Variants in PGM2 observed in about 807,000 individuals in gnomAD.
PGM2 encodes phosphoglucomutase 2.
PGM2 carries 57 observed loss-of-function variants against 74.6 expected under a neutral mutation model. The observed-to-expected ratio is 0.76, with a 90% CI of 0.62 to 0.95. The LOEUF (loss-of-function observed/expected upper bound fraction) is 0.95. Among genes scored for constraint, PGM2 ranks in the 40% least tolerant of loss-of-function variants. The probability of loss-of-function intolerance (pLI) is 0.00; values close to 1 mark genes in which losing one functional copy is unlikely to be tolerated. For synonymous variants in PGM2, 273 were observed against 260.7 expected (o/e 1.05, Z -0.46); for missense variants, 706 against 741.9 (o/e 0.95, Z 0.56).
At chr4:37,833,052 G>A (rs1725476250) in intron 2 of PGM2, among the ~76,000 whole-genome samples, 1 of 152,040 alleles carries the variant, frequency 6.6e-6, no homozygotes, top group Non-Finnish European at 1.5e-5. Context: ...CAGGAAGAGG[G>A]GTACTGTCAC....
chr4:37,838,474 T>C (rs1560414025), intron 4 of PGM2, among the ~76,000 whole-genome samples: 1 of 152,198 alleles, frequency 6.6e-6, no homozygotes, highest in Non-Finnish European at 1.5e-5. Context: ...TAGACAAAAC[T>C]TTTAAGAGCT....
chr4:37,827,754 A>G (rs1725334829), intron 1 of PGM2, among the ~76,000 whole-genome samples: 2 of 152,150 alleles, frequency 1.3e-5, no homozygotes, highest in African/African-American at 4.8e-5. Flanking sequence ...GTCTGTCTCC[A>G]GGGCCGACTT....
chr4:37,861,447 A>T, intron 13 of PGM2, 63 bp from the exon 14 acceptor site: 1 of 1,005,178 alleles, frequency 9.9e-7, no homozygotes, highest in Admixed American at 1.7e-5. Flanking sequence ...CAATGGGGGG[A>T]GCATTTAAAC....
intron 13 of PGM2, among the ~76,000 whole-genome samples, chr4:37,859,708 A>G (rs1450151478): frequency 6.8e-6 from 1 of 147,964 alleles, no homozygotes; most frequent in African/African-American, 2.6e-5. Context: ...AGTCCCCAAA[A>G]TAGCTGTTTT....
At chr4:37,838,141 G>T (rs1472241306) in intron 4 of PGM2, among the ~76,000 whole-genome samples, 2 of 152,146 alleles carry the variant, frequency 1.3e-5, no homozygotes, top group Admixed American at 6.5e-5. Context: ...TTGGCCTCCG[G>T]AAGTGCTGGG....
chr4:37,855,417 C>G (rs6531588), intron 12 of PGM2, among the ~76,000 whole-genome samples, 191 bp from the exon 13 acceptor site: 117,008 of 152,014 alleles, frequency 0.77, 45,498 homozygotes, highest in African/African-American at 0.88. Context: ...ATATAGTAGA[C>G]CACATATTCA....
chr4:37,830,041 C>T lies in PGM2; in HGVS notation c.159C>T (p.Ala53=), dbSNP rs896721550. The T allele has an allele frequency of 1.9e-6, 3 of 1,606,304 alleles. No homozygotes were observed. Among genetic ancestry groups the T allele is most frequent in the African/African-American group, 2.7e-5 (2 of 74,630 alleles). Residue 53 remains alanine, a synonymous_variant, in exon 2 of 14, where the codon GCC becomes GCT. Coordinates refer to ENST00000381967, the MANE Select transcript of PGM2 (RefSeq NM_018290.4). ...AAGAACTACGAAAATGTTTTGGGGC[C>T]CGAATGGAGTTTGGGACAGCTGGCC... The part of the protein sequence containing the change: ...NKEELRKCFG[A]RMEFGTAGLR...
intron 1 of PGM2, among the ~76,000 whole-genome samples, chr4:37,829,549 T>C (rs1725383010): frequency 6.6e-6 from 1 of 152,196 alleles, no homozygotes; most frequent in Non-Finnish European, 1.5e-5. Context: ...ATATTTTACA[T>C]TAATTTGAAG....
intron 10 of PGM2, 65 bp from the exon 11 acceptor site, chr4:37,848,457 A>T: frequency 7.1e-7 from 1 of 1,402,298 alleles, no homozygotes; most frequent in East Asian, 2.3e-5. Flanking sequence ...AATAGCCAGG[A>T]TTCATACTCA....
chr4:37,827,025 C>A (rs907460256), intron 1 of PGM2, among the ~76,000 whole-genome samples: 1 of 152,266 alleles, frequency 6.6e-6, no homozygotes, highest in Admixed American at 6.5e-5. Context: ...GAAGGCTTGT[C>A]CCCGGACGAA....
intron 3 of PGM2, among the ~76,000 whole-genome samples, chr4:37,835,399 C>T (rs1725542695): frequency 1.3e-5 from 2 of 152,172 alleles, no homozygotes. Flanking sequence ...CCACTACTCA[C>T]CTCTCCCATG....
At chr4:37,840,735 T>C (rs184680828) in intron 6 of PGM2, among the ~76,000 whole-genome samples, 8 of 152,100 alleles carry the variant, frequency 5.3e-5, no homozygotes, top group South Asian at 2.1e-4. Context: ...AAACTTTTCT[T>C]AAAGGGACAG....
chr4:37,861,869 T>C lies in PGM2; in HGVS notation c.*257T>C, dbSNP rs2152183412. The C allele has an allele frequency of 2.9e-6, 1 of 342,352 alleles. No homozygotes were observed. The highest frequency in any genetic ancestry group is 4.9e-5 in the East Asian group (1 of 20,564). 21.2% of individuals were successfully genotyped at this position (342,352 alleles called of 1,614,324 possible). A position where few individuals can be genotyped will look rare whatever the true frequency, so the allele number is the denominator to read the frequency against. On this transcript the variant is annotated 3_prime_UTR_variant, in exon 14 of 14. Coordinates refer to ENST00000381967, the MANE Select transcript of PGM2 (RefSeq NM_018290.4). The stretch of plus-strand genomic sequence containing the variant: ...TTTTTGTAAGTGAAGATTTTTAAAC[T>C]GACTAACTTAAAAAAATAGATTGTA...
chr4:37,839,447 G>A (rs1725647063), intron 4 of PGM2: 11 of 406,244 alleles, frequency 2.7e-5, no homozygotes, highest in South Asian at 1.8e-4. Context: ...TTCCTTAAAA[G>A]CAAATGAGAA....
intron 2 of PGM2, among the ~76,000 whole-genome samples, chr4:37,831,117 C>T (rs911391804): frequency 1.3e-4 from 19 of 147,264 alleles, no homozygotes; most frequent in Admixed American, 1.2e-3. Context: ...TTGTTTGAAC[C>T]CGGAAGGCAA....
chr4:37,855,496 T>A, intron 12 of PGM2, 112 bp from the exon 13 acceptor site: 1 of 934,360 alleles, frequency 1.1e-6, no homozygotes, highest in Non-Finnish European at 1.6e-6. Flanking sequence ...AATGTTTTTC[T>A]TTTCTAACCA....
chr4:37,842,653 C>T (rs1240256805), intron 6 of PGM2, among the ~76,000 whole-genome samples: 1 of 115,056 alleles, frequency 8.7e-6, no homozygotes, highest in African/African-American at 3.7e-5. Flanking sequence ...AGGCCCTTCA[C>T]ATGTCATTTT....
At chr4:37,839,958 T>C (rs1725662860) in intron 5 of PGM2, 27 bp downstream of exon 5, 1 of 1,495,814 alleles carries the variant, frequency 6.7e-7, no homozygotes. Context: ...ACTCCACACG[T>C]ACATCCTTCT....
At chr4:37,842,552 T>C (rs1725758707) in intron 6 of PGM2, among the ~76,000 whole-genome samples, 1 of 71,976 alleles carries the variant, frequency 1.4e-5, no homozygotes, top group African/African-American at 4.9e-5. Context: ...AATCTTTCTT[T>C]TTTTTCTTTT....
Sources: allele counts gnomAD v4.1 joint callset (sites outside exome capture counted in the v4.1 genomes callset), GRCh38; gene constraint gnomAD v4.1.1; transcripts MANE v1.5; gene names NCBI Gene and HGNC (gene_info 2026-07-23, HGNC 2026-07-21).